Variants in RANBP2 observed in about 807,000 individuals in gnomAD.
RANBP2 encodes the protein RAN binding protein 2.
In RANBP2, 57 loss-of-function variants were observed where a neutral mutation model predicts 303.6. The observed-to-expected ratio is 0.19, with a 90% CI of 0.15 to 0.23. The LOEUF (loss-of-function observed/expected upper bound fraction) is 0.23, where lower values mean the gene tolerates loss of function less well. Among genes scored for constraint, RANBP2 ranks in the 10% least tolerant of loss-of-function variants. The pLI, the probability that RANBP2 is intolerant of heterozygous loss-of-function variation, is 1.00. For synonymous variants in RANBP2, 1,167 were observed against 1,301.5 expected, an observed-to-expected ratio of 0.90 and a Z score of 2.23; for missense variants, 3,138 against 3,780.8, an observed-to-expected ratio of 0.83 and a Z score of 4.46.
chr2:108,869,708 A>G, the RANBP2 span, among the ~76,000 whole-genome samples: 2 of 152,154 alleles, frequency 1.3e-5, no homozygotes, highest in Admixed American at 6.5e-5. Flanking sequence ...AAAAAACAGC[A>G]TACACAGGCC....
the RANBP2 span, among the ~76,000 whole-genome samples, chr2:108,944,562 C>G: frequency 6.6e-6 from 1 of 152,126 alleles, no homozygotes; most frequent in East Asian, 1.9e-4. Context: ...TGATAATGGG[C>G]TCCTTCACAA....
At chr2:109,707,042 A>C in the RANBP2 span, among the ~76,000 whole-genome samples, 1 of 152,238 alleles carries the variant, frequency 6.6e-6, no homozygotes, top group African/African-American at 2.4e-5. Context: ...TGGAGGGACG[A>C]AAGGAGATAT....
chr2:108,973,770 C>A, the RANBP2 span, among the ~76,000 whole-genome samples: 2 of 152,188 alleles, frequency 1.3e-5, no homozygotes, highest in East Asian at 3.9e-4. Flanking sequence ...TTCCATCTCA[C>A]AATAACGAAA....
the RANBP2 span, among the ~76,000 whole-genome samples, chr2:109,326,007 A>G: frequency 1.3e-5 from 2 of 152,370 alleles, no homozygotes; most frequent in South Asian, 2.1e-4. Flanking sequence ...AACAAACATT[A>G]GTATATCTAC....
chr2:109,328,869 T>C, the RANBP2 span, among the ~76,000 whole-genome samples: 938 of 152,308 alleles, frequency 6.2e-3, 10 homozygotes, highest in African/African-American at 0.022. Context: ...AATATATCCC[T>C]GGACTCCCAG....
the RANBP2 span, among the ~76,000 whole-genome samples, chr2:109,629,235 T>TAAATAAA: frequency 5.4e-4 from 75 of 138,094 alleles, 2 homozygotes; most frequent in South Asian, 0.014. Context: ...AATAAATAAA[T>TAAATAAA]AAAATGCTTA....
At chr2:109,238,477 G>A in the RANBP2 span, among the ~76,000 whole-genome samples, 1 of 151,470 alleles carries the variant, frequency 6.6e-6, no homozygotes, top group Non-Finnish European at 1.5e-5. Flanking sequence ...GTGTGTGTGT[G>A]TGTGTGTGTG....
Position 108,753,562 on chromosome 2 carries a change from T to G in RANBP2, c.2054T>G (p.Leu685Arg), listed in dbSNP as rs1676073772. ...KSVVSYWNLA[L>R]IFHRKAEDIE... Reference sequence around the variant, plus strand: ...GTTGTTTCTTATTGGAATCTTGCACTGGTAAGTAGATGCAGTACTTGAGCT... The same window carrying G: ...GTTGTTTCTTATTGGAATCTTGCACGGGTAAGTAGATGCAGTACTTGAGCT... The change falls in exon 14 of 29, where the codon CTG (leucine) becomes CGG (arginine). Residue 685 changes from leucine (L) to arginine (R), a missense_variant and splice_region_variant. Physicochemically the swap from Leu to Arg is moderately radical, Grantham distance 102 (BLOSUM62 -2). This residue lies in a region of RANBP2 where 194 missense variants were observed against 197.4 expected (regional missense o/e 0.98). Transcript: ENST00000283195. The G allele has an allele frequency of 6.2e-7, 1 of 1,611,080 alleles. No individual in the cohort carries two copies. Among genetic ancestry groups the G allele is most frequent in the Non-Finnish European group, 8.5e-7 (1 of 1,179,646 alleles).
chr2:108,729,869 A>G lies in RANBP2; in HGVS notation c.140+670A>G, dbSNP rs367720426. ...CAAGTAGCTGGGGATACAGATGCGC[A>G]CCACCACACCTGGCTAAGGTTTGCA... is the stretch of plus-strand genomic sequence containing the variant. On this transcript the variant is annotated intron_variant, in intron 2 of 28. Transcript: ENST00000283195. 9.9e-5 allele frequency among the ~76,000 whole-genome samples: 15 copies of G among 152,210 alleles called. No homozygotes were observed. The South Asian group carries it at 3.1e-3, about 32-fold the overall frequency.
At chr2:109,568,116 C>T in the RANBP2 span, 746 of 634,986 alleles carry the variant, frequency 1.2e-3, 7 homozygotes, top group East Asian at 0.018. Flanking sequence ...TACGGTCCAT[C>T]TCGCTGTTGA....
chr2:109,208,792 T>G, the RANBP2 span, among the ~76,000 whole-genome samples: 1 of 152,182 alleles, frequency 6.6e-6, no homozygotes, highest in South Asian at 2.1e-4. Flanking sequence ...GAAATACATG[T>G]GTTGAGCAGA....
the RANBP2 span, among the ~76,000 whole-genome samples, chr2:109,039,110 G>A: frequency 6.6e-6 from 1 of 152,138 alleles, no homozygotes. Context: ...TCCAATCAAT[G>A]GAAGACTTTA....
At chr2:109,191,993 C>G in the RANBP2 span, among the ~76,000 whole-genome samples, 1 of 152,130 alleles carries the variant, frequency 6.6e-6, no homozygotes, top group Non-Finnish European at 1.5e-5. Flanking sequence ...TACAAACCCT[C>G]CCCCTCCACC....
chr2:109,652,379 C>T, the RANBP2 span, among the ~76,000 whole-genome samples: 19 of 150,232 alleles, frequency 1.3e-4, no homozygotes, highest in East Asian at 3.9e-4. Context: ...CCCGCCACCA[C>T]GCCCGGCTAA....
the RANBP2 span, among the ~76,000 whole-genome samples, chr2:109,308,569 A>C: frequency 1.6e-4 from 9 of 57,198 alleles, no homozygotes; most frequent in Non-Finnish European, 2.5e-4. Context: ...CTAACATTTA[A>C]ATCTTTAATC....
chr2:108,956,528 C>T, the RANBP2 span, among the ~76,000 whole-genome samples: 1 of 152,196 alleles, frequency 6.6e-6, no homozygotes, highest in Non-Finnish European at 1.5e-5. Flanking sequence ...CAAGAAACTA[C>T]ACATGGCATT....
chr2:109,432,451 CT>C, the RANBP2 span: 1 of 1,603,992 alleles, frequency 6.2e-7, no homozygotes, highest in Non-Finnish European at 8.5e-7. Context: ...GGCCGGTCCC[CT>C]ATCCCCAGGA....
chr2:109,760,420 G>A, the RANBP2 span: 2 of 924,808 alleles, frequency 2.2e-6, no homozygotes, highest in African/African-American at 1.9e-5. Context: ...GGCGGCGGCG[G>A]CGGCGGCGGC....
the RANBP2 span, among the ~76,000 whole-genome samples, chr2:109,350,976 C>A: frequency 6.6e-6 from 1 of 152,190 alleles, no homozygotes; most frequent in Non-Finnish European, 1.5e-5. Context: ...AAGATTTTTA[C>A]CTTTGGTGTT....
Sources: allele counts gnomAD v4.1 joint callset (sites outside exome capture counted in the v4.1 genomes callset), GRCh38; gene constraint gnomAD v4.1.1; regional missense constraint gnomAD v4.1.1; transcripts MANE v1.5; gene names NCBI Gene and HGNC (gene_info 2026-07-23, HGNC 2026-07-21).